The following TENM2 variants were observed in gnomAD, a reference collection of about 807,000 sequenced individuals.
TENM2 encodes the protein teneurin transmembrane protein 2.
In TENM2, 52 loss-of-function variants were observed where a neutral mutation model predicts 245.2. The ratio of observed to expected loss-of-function variants is 0.21; its 90% confidence interval spans 0.17 to 0.27. The LOEUF is 0.27. TENM2 is among the 10% of genes least tolerant of loss of function. TENM2 has a pLI of 1.00. For missense variants in TENM2, 3,046 were observed against 3,666.8 expected, an observed-to-expected ratio of 0.83 and a Z score of 4.37; for synonymous variants, 1,363 against 1,438.9, an observed-to-expected ratio of 0.95 and a Z score of 1.19.
intron 1 of TENM2, among the ~76,000 whole-genome samples, chr5:167,370,998 TA>T (rs1361191737): frequency 6.6e-6 from 1 of 152,236 alleles, no homozygotes. Context: ...TAAGTTGAGC[TA>T]GTATTAAAAA....
chr5:167,698,672 G>GTTTTTTGT (rs1757932510), intron 2 of TENM2, among the ~76,000 whole-genome samples: 1 of 102,084 alleles, frequency 9.8e-6, no homozygotes, highest in African/African-American at 4.2e-5. Flanking sequence ...GTTTTGTTTT[G>GTTTTTTGT]TTTTTTGTTT....
the TENM2 span, among the ~76,000 whole-genome samples, chr5:167,038,662 G>A: frequency 6.6e-6 from 1 of 152,120 alleles, no homozygotes; most frequent in Non-Finnish European, 1.5e-5. Context: ...CCACAAGAAC[G>A]GTCTTGTGGC....
the TENM2 span, among the ~76,000 whole-genome samples, chr5:167,218,480 A>G: frequency 1.3e-5 from 2 of 152,138 alleles, no homozygotes; most frequent in Admixed American, 1.3e-4. Context: ...GTATTTTAAC[A>G]TGCTATCTTG....
chr5:167,964,197 C>T (rs1414813537), intron 4 of TENM2, among the ~76,000 whole-genome samples: 2 of 152,208 alleles, frequency 1.3e-5, no homozygotes, highest in Non-Finnish European at 2.9e-5. Flanking sequence ...CGGTCGGCTG[C>T]TTCTTTGGGA....
At chr5:167,290,509 T>C (rs181274107) in intron 1 of TENM2, among the ~76,000 whole-genome samples, 3 of 152,320 alleles carry the variant, frequency 2.0e-5, no homozygotes, top group Middle Eastern at 3.4e-3. Flanking sequence ...AATACTTTGG[T>C]GCAACAGAAA....
At position 167,649,052 on chromosome 5, in the gene TENM2, T is replaced by A. The variant is rs142186212; in HGVS notation, c.503-226934T>A. Among the ~76,000 whole-genome samples, 861 of 152,306 alleles carry A rather than the reference T, an allele frequency of 5.7e-3. 5 individuals carry two copies. The highest frequency in any genetic ancestry group is 0.03 in the East Asian group (156 of 5,166). On this transcript the variant is annotated intron_variant, in intron 2 of 28. Transcript: ENST00000518659. The stretch of plus-strand genomic sequence containing the variant: ...AATGATGACTTTTAGGATTAGATTG[T>A]TAAAACATCTGTCACACCACAAAGA...
intron 1 of TENM2, among the ~76,000 whole-genome samples, chr5:167,332,785 C>T (rs768262717): frequency 1.3e-5 from 2 of 152,102 alleles, no homozygotes; most frequent in South Asian, 2.1e-4. Context: ...CTTTCAGTGT[C>T]GTTGATTCCG....
At chr5:167,188,534 C>T in the TENM2 span, among the ~76,000 whole-genome samples, 31 of 151,764 alleles carry the variant, frequency 2.0e-4, no homozygotes, top group African/African-American at 6.7e-4. Context: ...GGGAAAGAGA[C>T]CATTTTTTTC....
chr5:167,298,374 G>T (rs148069534), intron 1 of TENM2, among the ~76,000 whole-genome samples: 18,219 of 152,210 alleles, frequency 0.12, 1,497 homozygotes, highest in Middle Eastern at 0.29. Context: ...GAGGCCGAGG[G>T]GGGCGGATCA....
chr5:167,234,637 TACAC>T, the TENM2 span, among the ~76,000 whole-genome samples: 31 of 152,342 alleles, frequency 2.0e-4, no homozygotes, highest in Non-Finnish European at 2.5e-4. Flanking sequence ...GATGATTTCA[TACAC>T]ATACAGGAAA....
At position 167,862,129 on chromosome 5, in the gene TENM2, C is replaced by T. The variant is rs375078021; in HGVS notation, c.503-13857C>T. Reference sequence around the variant, plus strand: ...ATTTTAGGCAGGATGCACTGCAGGTCTTCAAATAGGCTTGTAAAAAGTGAG... The same window carrying T: ...ATTTTAGGCAGGATGCACTGCAGGTTTTCAAATAGGCTTGTAAAAAGTGAG... On this transcript the variant is annotated intron_variant, in intron 2 of 28. Transcript: ENST00000518659. Among the ~76,000 whole-genome samples, 4 of 152,240 alleles carry T rather than the reference C, an allele frequency of 2.6e-5. No individual in the cohort carries two copies. In the East Asian group the frequency reaches 7.7e-4, roughly 29 times the overall value.
At chr5:167,826,365 T>C (rs1767973962) in intron 2 of TENM2, among the ~76,000 whole-genome samples, 1 of 152,200 alleles carries the variant, frequency 6.6e-6, no homozygotes, top group Non-Finnish European at 1.5e-5. Context: ...TGGATTTCAC[T>C]ATATTTTTGC....
At chr5:167,652,478 G>C (rs1754539590) in intron 2 of TENM2, among the ~76,000 whole-genome samples, 2 of 152,012 alleles carry the variant, frequency 1.3e-5, no homozygotes, top group South Asian at 4.1e-4. Flanking sequence ...TATGTGCTCA[G>C]TCCCTTCTTG....
chr5:167,525,161 T>C (rs1771024043), intron 2 of TENM2, among the ~76,000 whole-genome samples: 1 of 152,088 alleles, frequency 6.6e-6, no homozygotes, highest in African/African-American at 2.4e-5. Context: ...CTCCCAACCC[T>C]GCAGAACATC....
chr5:167,650,232 G>T (rs1754361573), intron 2 of TENM2, among the ~76,000 whole-genome samples: 1 of 152,166 alleles, frequency 6.6e-6, no homozygotes, highest in South Asian at 2.1e-4. Flanking sequence ...CCCTGCTGTG[G>T]TCCCTTCCTC....
intron 4 of TENM2, among the ~76,000 whole-genome samples, chr5:167,956,741 T>C (rs1344762497): frequency 6.6e-6 from 1 of 152,224 alleles, no homozygotes; most frequent in Non-Finnish European, 1.5e-5. Context: ...ATGTGGTTTT[T>C]GTCATTGGTT....
the TENM2 span, among the ~76,000 whole-genome samples, chr5:167,061,756 G>A: frequency 6.6e-6 from 1 of 152,026 alleles, no homozygotes; most frequent in Non-Finnish European, 1.5e-5. Context: ...CTGAATTCGT[G>A]TGTTAAACGT....
chr5:167,879,728 A>G (rs965622683), intron 3 of TENM2, among the ~76,000 whole-genome samples: 4 of 152,182 alleles, frequency 2.6e-5, no homozygotes, highest in African/African-American at 9.7e-5. Flanking sequence ...GCATCAAACT[A>G]TACACATAAG....
intron 2 of TENM2, among the ~76,000 whole-genome samples, chr5:167,720,647 T>G (rs994036576): frequency 6.6e-6 from 1 of 152,244 alleles, no homozygotes; most frequent in Non-Finnish European, 1.5e-5. Flanking sequence ...TTCTCTGAAA[T>G]ATTGCATTTA....
Sources: gnomAD v4.1 joint callset for allele counts (sites outside exome capture counted in the v4.1 genomes callset) on GRCh38, gnomAD v4.1.1 for gene constraint, MANE v1.5 for transcripts, NCBI Gene and HGNC (gene_info 2026-07-23, HGNC 2026-07-21) for gene names.